Variants in NWD1 observed in about 807,000 individuals in gnomAD.
NWD1 encodes NACHT and WD repeat domain containing 1.
In NWD1, 129 loss-of-function variants were observed where a neutral mutation model predicts 135.1. That is an observed-to-expected ratio of 0.96 (90% CI 0.83 to 1.11). The LOEUF is 1.11. Ranked by LOEUF, NWD1 falls within the 50% of genes least tolerant of loss-of-function variation. The pLI, the probability that NWD1 is intolerant of heterozygous loss-of-function variation, is 0.00. For synonymous variants in NWD1, 773 were observed against 786.0 expected (o/e 0.98, Z 0.28); for missense variants, 1,740 against 1,851.3 (o/e 0.94, Z 1.10).
In NWD1 at chr19:16,759,215, C is replaced by T. The variant is rs1245363099; in HGVS notation, c.1770-10C>T. 1.9e-6 allele frequency: 3 copies of T among 1,611,312 alleles called. No homozygotes were observed. The highest frequency in any genetic ancestry group is 2.2e-5 in the East Asian group (1 of 44,860). Reference sequence around the variant, plus strand: ...GATGTGCCTCAAAGCCCCACTGGTCCTCCCTTCAGACACGGTCTCTCGGAG... The same window carrying T: ...GATGTGCCTCAAAGCCCCACTGGTCTTCCCTTCAGACACGGTCTCTCGGAG... On this transcript the variant is annotated splice_polypyrimidine_tract_variant and intron_variant, in intron 6 of 18. Coordinates refer to ENST00000524140, the MANE Select transcript of NWD1 (RefSeq NM_001007525.5).
In NWD1 at chr19:16,744,457, C is replaced by G; in HGVS notation, c.235C>G (p.Pro79Ala). The G allele has an allele frequency of 3.9e-6, 6 of 1,535,650 alleles. No homozygotes were observed. Among genetic ancestry groups the G allele is most frequent in the Non-Finnish European group, 4.4e-6 (5 of 1,146,570 alleles). Residue 79 changes from proline to alanine, a missense_variant, in exon 5 of 19, where the codon CCC (proline) becomes GCC (alanine). Pro to Ala is a conservative substitution (Grantham distance 27). Transcript: ENST00000524140. ...TGATCAGTACGGCCCCTGTCTGATT[C>G]CCTCGCGGATCGATGAGAAGGAGTG... The part of the protein sequence containing the change: ...IGDQYGPCLI[P>A]SRIDEKEWEV...
At chr19:16,787,876 CAAT>C (rs534816872) in intron 12 of NWD1, among the ~76,000 whole-genome samples, 17,711 of 118,854 alleles carry the variant, frequency 0.15, 1,563 homozygotes, top group Middle Eastern at 0.24. Flanking sequence ...GTAATAATAA[CAAT>C]AATAATAATA....
Position 16,749,382 on chromosome 19 carries a change from G to A in NWD1, c.740G>A (p.Ser247Asn). Residue 247 changes from serine (S) to asparagine (N), a missense_variant, in exon 6 of 19, where the codon AGC (serine) becomes AAC (asparagine). Coordinates refer to ENST00000524140, the MANE Select transcript of NWD1 (RefSeq NM_001007525.5). ...CTCAAGACCCACCGCCTGCCGTGGA[G>A]CCGCGACTTGGTGAACCCCAAGAAC... The part of the protein sequence containing the change: ...GVLKTHRLPW[S>N]RDLVNPKNKT... The A allele has an allele frequency of 6.2e-7, 1 of 1,613,848 alleles. No homozygotes were observed. The highest frequency in any genetic ancestry group is 1.7e-5 in the Admixed American group (1 of 59,996).
At chr19:16,802,451 C>A (rs12327628) in intron 17 of NWD1, among the ~76,000 whole-genome samples, 11,505 of 137,736 alleles carry the variant, frequency 0.084, 928 homozygotes, top group African/African-American at 0.21. Flanking sequence ...CAGAGCAAGA[C>A]CCTATCTCAA....
intron 6 of NWD1, among the ~76,000 whole-genome samples, chr19:16,757,206 C>A (rs973062761): frequency 3.9e-5 from 6 of 152,134 alleles, no homozygotes; most frequent in African/African-American, 1.4e-4. Context: ...GAAACCGGTC[C>A]CTGGTGCCAA....
At position 16,815,642 on chromosome 19, in the gene NWD1, C is replaced by T. The variant is rs946814955; in HGVS notation, c.*603C>T. 19 of 296,078 alleles carry T rather than the reference C, an allele frequency of 6.4e-5. No individual in the cohort carries two copies. Among genetic ancestry groups the T allele is most frequent in the Middle Eastern group, 1.1e-3 (1 of 912 alleles). The allele number at this position is 296,078 out of a possible 1,614,324, so 18.3% of individuals were successfully genotyped here. A position where few individuals can be genotyped will look rare whatever the true frequency, so the allele number is the denominator to read the frequency against. On this transcript the variant is annotated 3_prime_UTR_variant, in exon 19 of 19. Coordinates refer to ENST00000524140, the MANE Select transcript of NWD1 (RefSeq NM_001007525.5). ...CTCTACTGGTCCCAATTGGCCCATA[C>T]GCCTAGCCCTAAACCAATTATTATA...
chr19:16,782,414 C>A (rs1238751694), intron 12 of NWD1, among the ~76,000 whole-genome samples: 1 of 151,506 alleles, frequency 6.6e-6, no homozygotes, highest in African/African-American at 2.4e-5. Flanking sequence ...TGCAGTGAGC[C>A]ATGTTTGCAC....
At chr19:16,744,767 G>A (rs757702074) in intron 5 of NWD1, 49 bp downstream of exon 5, 17 of 1,465,460 alleles carry the variant, frequency 1.2e-5, no homozygotes, top group East Asian at 9.9e-5. Flanking sequence ...AACTGACCAC[G>A]TGTTCAGAAT....
chr19:16,797,685 A>G, intron 15 of NWD1, 47 bp from the exon 16 acceptor site: 1 of 1,563,692 alleles, frequency 6.4e-7, no homozygotes, highest in Non-Finnish European at 8.7e-7. Flanking sequence ...ATGACCCTCA[A>G]TCTCCTCTGG....
At position 16,749,124 on chromosome 19, in the gene NWD1, T is replaced by TC; in HGVS notation, c.497-11dup. 6.4e-7 allele frequency: 1 copy of TC among 1,572,168 alleles called. No individual in the cohort carries two copies. On this transcript the variant is annotated splice_polypyrimidine_tract_variant and intron_variant, in intron 5 of 18. Coordinates refer to ENST00000524140, the MANE Select transcript of NWD1 (RefSeq NM_001007525.5). ...TAATGACCACACTTCCTTCCCACCT[T>TC]CCCCACTTTGGCAGTCATTGAGTGG... is the stretch of plus-strand genomic sequence containing the variant.
chr19:16,789,322 T>TCG, intron 13 of NWD1, 132 bp downstream of exon 13: 1 of 671,216 alleles, frequency 1.5e-6, no homozygotes, highest in Non-Finnish European at 2.6e-6. Context: ...ACACAACCAC[T>TCG]TGAGAGGGTG....
At chr19:16,768,685 G>C (rs1184808728) in intron 10 of NWD1, among the ~76,000 whole-genome samples, 1 of 152,168 alleles carries the variant, frequency 6.6e-6, no homozygotes, top group Admixed American at 6.5e-5. Context: ...ACTCAAAGGA[G>C]TGTTTAGACC....
chr19:16,761,531 A>G (rs1384998432), intron 7 of NWD1, among the ~76,000 whole-genome samples: 3 of 149,990 alleles, frequency 2.0e-5, no homozygotes, highest in Non-Finnish European at 4.4e-5. Flanking sequence ...TAATTTTTGT[A>G]TTCTTTTTTT....
intron 4 of NWD1, among the ~76,000 whole-genome samples, chr19:16,743,295 C>T (rs1013289943): frequency 3.9e-5 from 6 of 151,932 alleles, no homozygotes; most frequent in Admixed American, 2.0e-4. Flanking sequence ...ACTGCAGCCT[C>T]GAACTCCTGA....
chr19:16,751,988 A>T (rs1968601003), intron 6 of NWD1, among the ~76,000 whole-genome samples: 1 of 152,022 alleles, frequency 6.6e-6, no homozygotes, highest in African/African-American at 2.4e-5. Flanking sequence ...AGTGAAAGGA[A>T]GGAAGGAAGG....
At chr19:16,750,598 C>T (rs1323304780) in intron 6 of NWD1, among the ~76,000 whole-genome samples, 187 bp downstream of exon 6, 1 of 149,760 alleles carries the variant, frequency 6.7e-6, no homozygotes, top group Non-Finnish European at 1.5e-5. Context: ...GGACTACGGG[C>T]ATGCACCACT....
At chr19:16,812,132 AC>A (rs1341758353) in intron 18 of NWD1, among the ~76,000 whole-genome samples, 23 of 152,200 alleles carry the variant, frequency 1.5e-4, no homozygotes, top group Admixed American at 1.3e-3. Flanking sequence ...ACATGGTGAA[AC>A]CCTGTCTCTA....
intron 17 of NWD1, among the ~76,000 whole-genome samples, chr19:16,804,706 AT>A (rs887069801): frequency 2.2e-4 from 34 of 151,380 alleles, no homozygotes; most frequent in Admixed American, 5.9e-4. Context: ...GGTTAAATTA[AT>A]TTTTTTTTAA....
intron 3 of NWD1, among the ~76,000 whole-genome samples, chr19:16,735,460 T>C (rs1033354482): frequency 6.9e-6 from 1 of 144,408 alleles, no homozygotes; most frequent in Non-Finnish European, 1.5e-5. Flanking sequence ...GAGCTGAGAG[T>C]GCACCACTAA....
Sources: gnomAD v4.1 joint callset for allele counts (sites outside exome capture counted in the v4.1 genomes callset) on GRCh38, gnomAD v4.1.1 for gene constraint, MANE v1.5 for transcripts, NCBI Gene and HGNC (gene_info 2026-07-23, HGNC 2026-07-21) for gene names.